Variants in KCNT1 observed in about 807,000 individuals in gnomAD.
KCNT1 encodes the protein potassium channel subfamily T member 1.
Under a neutral mutation model 147.8 loss-of-function variants are expected in KCNT1, and 78 were observed. The observed-to-expected ratio is 0.53, with a 90% CI of 0.44 to 0.64. KCNT1 has a LOEUF of 0.64. Ranked by LOEUF, KCNT1 falls within the 30% of genes least tolerant of loss-of-function variation. The pLI, the probability that KCNT1 is intolerant of heterozygous loss-of-function variation, is 0.00. For synonymous variants in KCNT1, 867 were observed against 748.8 expected (o/e 1.16, Z -2.58); for missense variants, 1,419 against 1,750.3 (o/e 0.81, Z 3.38).
In KCNT1 at chr9:135,729,405, C is replaced by T. The variant is rs551931858; in HGVS notation, c.254+14685C>T. 2.2e-4 allele frequency among the ~76,000 whole-genome samples: 34 copies of T among 152,376 alleles called. No individual in the cohort carries two copies. The South Asian group carries it at 6.8e-3, about 31-fold the overall frequency. On this transcript the variant is annotated intron_variant, in intron 2 of 30. Transcript: ENST00000371757. Reference sequence around the variant, plus strand: ...TGTCCCACTGTGCAGGAGGGGATTCCGCAGATGGCGGGAATGAGCCTGGGA... The same window carrying T: ...TGTCCCACTGTGCAGGAGGGGATTCTGCAGATGGCGGGAATGAGCCTGGGA...
intron 2 of KCNT1, among the ~76,000 whole-genome samples, chr9:135,722,066 G>A (rs1181333012): frequency 1.3e-5 from 2 of 152,202 alleles, no homozygotes; most frequent in African/African-American, 4.8e-5. Flanking sequence ...TCGGTGACCA[G>A]GGCCCATCAC....
At chr9:135,777,894 G>C in intron 21 of KCNT1, among the ~76,000 whole-genome samples, 1 of 141,526 alleles carries the variant, frequency 7.1e-6, no homozygotes, top group Non-Finnish European at 1.5e-5. Flanking sequence ...CCCACTCCCA[G>C]TTCCCCCTCA....
At chr9:135,787,223 G>C (rs1021385778) in intron 29 of KCNT1, among the ~76,000 whole-genome samples, 1 of 152,230 alleles carries the variant, frequency 6.6e-6, no homozygotes, top group Non-Finnish European at 1.5e-5. Context: ...TTCAGCAACA[G>C]ATCCGTGCAG....
At chr9:135,731,987 T>TAGAG (rs1564328006) in intron 2 of KCNT1, among the ~76,000 whole-genome samples, 28 of 21,832 alleles carry the variant, frequency 1.3e-3, no homozygotes, top group African/African-American at 2.5e-3. Context: ...TATATATATA[T>TAGAG]ATATAGAGAG....
chr9:135,772,217 G>A (rs1832808196), intron 18 of KCNT1, among the ~76,000 whole-genome samples: 1 of 152,174 alleles, frequency 6.6e-6, no homozygotes, highest in Admixed American at 6.5e-5. Context: ...GGTGACTCGG[G>A]CAACCCTCAC....
intron 2 of KCNT1, among the ~76,000 whole-genome samples, chr9:135,731,438 A>G (rs1836425888): frequency 6.6e-6 from 1 of 152,170 alleles, no homozygotes; most frequent in Non-Finnish European, 1.5e-5. Flanking sequence ...AACGCTCTGT[A>G]GCCACCTCAG....
At chr9:135,716,145 G>C (rs1430042585) in intron 2 of KCNT1, among the ~76,000 whole-genome samples, 1 of 152,174 alleles carries the variant, frequency 6.6e-6, no homozygotes, top group Non-Finnish European at 1.5e-5. Flanking sequence ...ATCTTTCTAA[G>C]CCAGCACCAG....
At chr9:135,759,302 CCT>C (rs1458582494) in intron 10 of KCNT1, among the ~76,000 whole-genome samples, 1 of 152,184 alleles carries the variant, frequency 6.6e-6, no homozygotes, top group Non-Finnish European at 1.5e-5. Flanking sequence ...CAGGCCCACC[CCT>C]GTGTCACCCA....
chr9:135,759,665 G>A lies in KCNT1; in HGVS notation c.855-14G>A. 6.3e-7 allele frequency: 1 copy of A among 1,590,712 alleles called. No individual in the cohort carries two copies. The highest frequency in any genetic ancestry group is 1.3e-5 in the African/African-American group (1 of 74,678). On this transcript the variant is annotated splice_polypyrimidine_tract_variant and intron_variant, in intron 10 of 30. Coordinates refer to ENST00000371757, the MANE Select transcript of KCNT1 (RefSeq NM_020822.3). ...CCTGGGCCCCAGGCCGCCCCTCACT[G>A]CCAGGGGTTGCAGGACCTGCGGCAT... is the stretch of plus-strand genomic sequence containing the variant.
chr9:135,766,177 C>T (rs10114586), intron 13 of KCNT1, among the ~76,000 whole-genome samples: 34,691 of 151,248 alleles, frequency 0.23, 4,097 homozygotes, highest in Middle Eastern at 0.33. Context: ...TAGGGTGGGT[C>T]ATCTGGGGTG....
chr9:135,761,815 A>G (rs931863365), intron 11 of KCNT1, among the ~76,000 whole-genome samples: 4 of 152,134 alleles, frequency 2.6e-5, no homozygotes, highest in Admixed American at 6.5e-5. Context: ...AACAGGGCCA[A>G]TGCGTCCCCC....
intron 2 of KCNT1, among the ~76,000 whole-genome samples, chr9:135,743,966 T>C (rs1830684345): frequency 6.6e-6 from 1 of 152,244 alleles, no homozygotes; most frequent in African/African-American, 2.4e-5. Context: ...GCAGTGGGCC[T>C]GAAGCCTGCC....
chr9:135,759,225 CG>C (rs1170385485), intron 10 of KCNT1, among the ~76,000 whole-genome samples: 1 of 152,182 alleles, frequency 6.6e-6, no homozygotes, highest in Non-Finnish European at 1.5e-5. Flanking sequence ...CTGGCTGTGC[CG>C]GGCAGAGGCC....
At chr9:135,769,200 A>ACGGTGCGTCTGGGG (rs1832566077) in intron 15 of KCNT1, among the ~76,000 whole-genome samples, 14 of 122,250 alleles carry the variant, frequency 1.1e-4, no homozygotes, top group Middle Eastern at 6.1e-3. Flanking sequence ...CACGTGGGTG[A>ACGGTGCGTCTGGGG]CAGTGCATCT....
intron 24 of KCNT1, among the ~76,000 whole-genome samples, chr9:135,780,129 G>A (rs530327909): frequency 5.9e-5 from 9 of 152,294 alleles, no homozygotes; most frequent in South Asian, 2.1e-4. Flanking sequence ...CTTGATATCT[G>A]GCTGACCCCA....
intron 11 of KCNT1, among the ~76,000 whole-genome samples, 173 bp downstream of exon 11, chr9:135,760,032 G>A (rs1322524677): frequency 2.0e-5 from 3 of 152,186 alleles, no homozygotes; most frequent in Non-Finnish European, 4.4e-5. Flanking sequence ...GAGGGTCTAC[G>A]GCGGGTCCGG....
chr9:135,707,857 C>T (rs1194261236), intron 1 of KCNT1, among the ~76,000 whole-genome samples: 2 of 152,194 alleles, frequency 1.3e-5, no homozygotes, highest in Admixed American at 6.5e-5. Flanking sequence ...AGCTTGATTT[C>T]GGCTCCTCCA....
At chr9:135,762,000 C>T (rs1037677012) in intron 11 of KCNT1, among the ~76,000 whole-genome samples, 3 of 152,244 alleles carry the variant, frequency 2.0e-5, no homozygotes, top group African/African-American at 4.8e-5. Context: ...TCTCACGAGA[C>T]CGTGGCACCC....
Position 135,707,163 on chromosome 9 carries a change from G to A in KCNT1, c.110+4795G>A, listed in dbSNP as rs148273919. On this transcript the variant is annotated intron_variant, in intron 1 of 30. Transcript: ENST00000371757. ...TAAAAATTAAGATCAGATAAGGCCC[G>A]GTGCACCCCTGCAGGCCATGCCAGC... Among the ~76,000 whole-genome samples the A allele has an allele frequency of 5.2e-3, 798 of 152,106 alleles. 5 individuals are homozygous for A. Among genetic ancestry groups the A allele is most frequent in the Middle Eastern group, 0.034 (10 of 294 alleles).
Sources: gnomAD v4.1 joint callset for allele counts (sites outside exome capture counted in the v4.1 genomes callset) on GRCh38, gnomAD v4.1.1 for gene constraint, MANE v1.5 for transcripts, NCBI Gene and HGNC (gene_info 2026-07-23, HGNC 2026-07-21) for gene names.